Variants in GPC6 observed in about 807,000 individuals in gnomAD.
GPC6 encodes glypican 6, also known as glypican-6.
GPC6 carries 14 observed loss-of-function variants against 55.2 expected under a neutral mutation model. The ratio of observed to expected loss-of-function variants is 0.25; its 90% CI spans 0.17 to 0.40. The LOEUF (loss-of-function observed/expected upper bound fraction) is 0.40, where lower values mean the gene tolerates loss of function less well. Among genes scored for constraint, GPC6 ranks in the 10% least tolerant of loss-of-function variants. The pLI, the probability that GPC6 is intolerant of heterozygous loss-of-function variation, is 1.00. For synonymous variants in GPC6, 278 were observed against 259.6 expected (o/e 1.07, Z -0.68); for missense variants, 641 against 708.5 (o/e 0.90, Z 1.08).
At chr13:93,715,079 A>G (rs951830874) in intron 2 of GPC6, among the ~76,000 whole-genome samples, 10 of 151,620 alleles carry the variant, frequency 6.6e-5, no homozygotes, top group African/African-American at 2.4e-4. Context: ...CTGTCTTATC[A>G]GTGCGGTCTT....
chr13:93,856,357 A>G (rs1888610740), intron 3 of GPC6, among the ~76,000 whole-genome samples: 1 of 151,612 alleles, frequency 6.6e-6, no homozygotes, highest in South Asian at 2.1e-4. Context: ...TCATCCAAAC[A>G]TTAACAATCA....
intron 6 of GPC6, among the ~76,000 whole-genome samples, chr13:94,351,977 AAAAAAG>A (rs1566708723): frequency 1.4e-5 from 2 of 140,188 alleles, no homozygotes; most frequent in Non-Finnish European, 3.1e-5. Context: ...AAAAAAAAAA[AAAAAAG>A]AAAAAGAAAA....
At chr13:93,817,532 A>G (rs747256990) in intron 2 of GPC6, among the ~76,000 whole-genome samples, 16 of 152,176 alleles carry the variant, frequency 1.1e-4, no homozygotes, top group Non-Finnish European at 1.8e-4. Flanking sequence ...GCTAATAAAT[A>G]TCAAAGAAGT....
chr13:93,591,047 A>G (rs2139507154), intron 2 of GPC6, among the ~76,000 whole-genome samples: 1 of 152,118 alleles, frequency 6.6e-6, no homozygotes, highest in African/African-American at 2.4e-5. Flanking sequence ...TCATAGGGAA[A>G]ATGCAAGTTC....
intron 1 of GPC6, among the ~76,000 whole-genome samples, chr13:93,276,469 A>T (rs1389359704): frequency 8.6e-6 from 1 of 116,838 alleles, no homozygotes; most frequent in Non-Finnish European, 1.6e-5. Context: ...AGAGAGAGAG[A>T]GAGAGAGAGA....
chr13:93,439,550 T>C (rs1877699562), intron 1 of GPC6, among the ~76,000 whole-genome samples: 1 of 151,986 alleles, frequency 6.6e-6, no homozygotes, highest in Non-Finnish European at 1.5e-5. Flanking sequence ...CTCTTTCTTT[T>C]ATAAATTACC....
At chr13:94,230,193 C>T (rs1481700341) in intron 4 of GPC6, among the ~76,000 whole-genome samples, 1 of 152,136 alleles carries the variant, frequency 6.6e-6, no homozygotes, top group Non-Finnish European at 1.5e-5. Context: ...TGAAAACACT[C>T]AGTACCTTCC....
intron 2 of GPC6, among the ~76,000 whole-genome samples, chr13:93,601,438 CACTT>C (rs1380477894): frequency 1.3e-5 from 2 of 152,056 alleles, no homozygotes; most frequent in African/African-American, 4.8e-5. Context: ...ATATATGGAC[CACTT>C]ACTTCATACT....
At chr13:93,919,568 G>C (rs1877464548) in intron 3 of GPC6, among the ~76,000 whole-genome samples, 1 of 152,148 alleles carries the variant, frequency 6.6e-6, no homozygotes, top group East Asian at 1.9e-4. Context: ...GGAGTAAAGA[G>C]CATCAGAATC....
chr13:94,110,109 C>T lies in GPC6; in HGVS notation c.877+82215C>T, dbSNP rs568289934. ...AAAGAAAAAAAGCTGTAGTGATAGG[C>T]AAGGGTCACCATAGGAAGAGCATCT... is the stretch of plus-strand genomic sequence containing the variant. On this transcript the variant is annotated intron_variant, in intron 4 of 8. Transcript: ENST00000377047. Among the ~76,000 whole-genome samples the T allele has an allele frequency of 5.4e-5, 8 of 149,152 alleles. No homozygotes were observed. In the East Asian group the frequency reaches 1.2e-3, roughly 22 times the overall value.
At chr13:93,983,931 C>T (rs1219999106) in intron 3 of GPC6, among the ~76,000 whole-genome samples, 2 of 152,020 alleles carry the variant, frequency 1.3e-5, no homozygotes, top group Admixed American at 1.3e-4. Context: ...TTCCTGAAAT[C>T]ACATGCTTGT....
chr13:94,010,796 T>G (rs7994682), intron 3 of GPC6, among the ~76,000 whole-genome samples: 26,426 of 152,114 alleles, frequency 0.17, 2,468 homozygotes, highest in East Asian at 0.33. Flanking sequence ...TCAGTGGCTT[T>G]ATAGAATTCT....
At chr13:94,104,115 T>C (rs1206553388) in intron 4 of GPC6, among the ~76,000 whole-genome samples, 2 of 152,222 alleles carry the variant, frequency 1.3e-5, no homozygotes, top group African/African-American at 4.8e-5. Context: ...TAGCCAGTTT[T>C]CCCAGCACCA....
chr13:93,585,544 G>A (rs917000789), intron 2 of GPC6, among the ~76,000 whole-genome samples: 3 of 152,090 alleles, frequency 2.0e-5, no homozygotes, highest in African/African-American at 4.8e-5. Flanking sequence ...TAATAATAAA[G>A]TAAACTTTGA....
chr13:94,144,404 AAC>A (rs59772537), intron 4 of GPC6, among the ~76,000 whole-genome samples: 10,670 of 143,282 alleles, frequency 0.074, 485 homozygotes, highest in African/African-American at 0.12. Flanking sequence ...GTGCTTTTAA[AAC>A]ACACACACAC....
chr13:93,619,598 C>A (rs1351104484), intron 2 of GPC6, among the ~76,000 whole-genome samples: 1 of 152,044 alleles, frequency 6.6e-6, no homozygotes, highest in East Asian at 1.9e-4. Context: ...ACTCCAGATG[C>A]ACCCCATCAT....
At chr13:94,212,755 A>G (rs771668456) in intron 4 of GPC6, among the ~76,000 whole-genome samples, 4 of 152,246 alleles carry the variant, frequency 2.6e-5, no homozygotes, top group Non-Finnish European at 5.9e-5. Context: ...ATTGCATGAT[A>G]TGTATTATTT....
chr13:93,969,435 C>T (rs1298032613), intron 3 of GPC6, among the ~76,000 whole-genome samples: 1 of 152,088 alleles, frequency 6.6e-6, no homozygotes, highest in African/African-American at 2.4e-5. Flanking sequence ...GCCAGGGATG[C>T]CTAAGCAGAC....
At chr13:93,821,739 T>G (rs72643200) in intron 2 of GPC6, among the ~76,000 whole-genome samples, 1,830 of 152,270 alleles carry the variant, frequency 0.012, 31 homozygotes, top group Non-Finnish European at 0.015. Context: ...CTTCCTCAGT[T>G]TCTCTAACTT....
Sources: gnomAD v4.1 joint callset for allele counts (sites outside exome capture counted in the v4.1 genomes callset) on GRCh38, gnomAD v4.1.1 for gene constraint, MANE v1.5 for transcripts, NCBI Gene and HGNC (gene_info 2026-07-23, HGNC 2026-07-21) for gene names.